The following NEK11 variants were observed in gnomAD, a reference collection of about 807,000 sequenced individuals.
NEK11 encodes serine/threonine-protein kinase Nek11.
NEK11 carries 72 observed loss-of-function variants against 80.7 expected under a neutral mutation model. That is an observed-to-expected ratio of 0.89 (90% CI 0.74 to 1.08). The LOEUF is 1.08. NEK11 is among the 50% of genes least tolerant of loss of function. The pLI, the probability that NEK11 is intolerant of heterozygous loss-of-function variation, is 0.00. For missense variants in NEK11, 764 were observed against 763.6 expected, an observed-to-expected ratio of 1.00 and a Z score of -0.01; for synonymous variants, 251 against 260.7, an observed-to-expected ratio of 0.96 and a Z score of 0.36.
chr3:131,175,527 A>G (rs1280450983), intron 14 of NEK11, among the ~76,000 whole-genome samples: 1 of 152,220 alleles, frequency 6.6e-6, no homozygotes, highest in African/African-American at 2.4e-5. Flanking sequence ...TTCCATTTCT[A>G]TGAGTTCTGG....
At chr3:131,137,450 C>T (rs556719381) in intron 7 of NEK11, among the ~76,000 whole-genome samples, 57 of 152,136 alleles carry the variant, frequency 3.7e-4, no homozygotes, top group African/African-American at 1.3e-3. Context: ...TTCATCAGCT[C>T]CCTCCTGGTG....
At chr3:131,109,399 A>G (rs2079704707) in intron 4 of NEK11, 2 of 153,526 alleles carry the variant, frequency 1.3e-5, no homozygotes, top group Admixed American at 6.5e-5. Context: ...TGCTCATCAA[A>G]GTTAGACTCC....
At chr3:131,265,715 A>G (rs1164261156) in intron 16 of NEK11, among the ~76,000 whole-genome samples, 1 of 152,066 alleles carries the variant, frequency 6.6e-6, no homozygotes, top group Non-Finnish European at 1.5e-5. Flanking sequence ...TGGTATCAGG[A>G]TGATGCTGGC....
intron 17 of NEK11, among the ~76,000 whole-genome samples, chr3:131,280,475 G>T (rs2096378984): frequency 6.6e-6 from 1 of 151,532 alleles, no homozygotes; most frequent in Non-Finnish European, 1.5e-5. Flanking sequence ...CTAATCTACT[G>T]TTAATCTCAT....
At chr3:131,247,666 T>C (rs1232245982) in intron 16 of NEK11, among the ~76,000 whole-genome samples, 3 of 152,052 alleles carry the variant, frequency 2.0e-5, no homozygotes, top group African/African-American at 7.2e-5. Flanking sequence ...TGAAGAATGA[T>C]GGTGGTATTT....
intron 3 of NEK11, among the ~76,000 whole-genome samples, chr3:131,067,091 C>T (rs1577726990): frequency 6.6e-6 from 1 of 152,228 alleles, no homozygotes; most frequent in East Asian, 1.9e-4. Flanking sequence ...GAGGTTTTCT[C>T]ATGATTATCT....
chr3:131,235,279 A>G (rs1036623303), intron 15 of NEK11, among the ~76,000 whole-genome samples: 1 of 152,074 alleles, frequency 6.6e-6, no homozygotes, highest in Admixed American at 6.6e-5. Flanking sequence ...CTCTCCAACA[A>G]TCTTCTCCCT....
chr3:131,057,322 A>G (rs2069750190), intron 3 of NEK11, among the ~76,000 whole-genome samples: 1 of 152,010 alleles, frequency 6.6e-6, no homozygotes, highest in Admixed American at 6.6e-5. Flanking sequence ...AGTCTTTGCT[A>G]TTGTGAATAA....
chr3:131,119,738 C>G (rs1446771169), intron 5 of NEK11, among the ~76,000 whole-genome samples: 2 of 152,122 alleles, frequency 1.3e-5, no homozygotes, highest in African/African-American at 4.8e-5. Context: ...CCTTCTTTGT[C>G]TCTTTTGATC....
chr3:131,201,600 C>G (rs2094230270), intron 14 of NEK11, among the ~76,000 whole-genome samples: 1 of 152,082 alleles, frequency 6.6e-6, no homozygotes, highest in Admixed American at 6.5e-5. Flanking sequence ...ACAAACTTTG[C>G]AAAGTTATGT....
intron 16 of NEK11, among the ~76,000 whole-genome samples, 195 bp downstream of exon 16, chr3:131,243,691 A>C (rs994529261): frequency 1.3e-5 from 2 of 152,178 alleles, no homozygotes; most frequent in African/African-American, 4.8e-5. Context: ...TATTGTAAGT[A>C]ACTCTTAGTC....
At chr3:131,202,036 T>A (rs1214420412) in intron 14 of NEK11, among the ~76,000 whole-genome samples, 1 of 152,044 alleles carries the variant, frequency 6.6e-6, no homozygotes, top group African/African-American at 2.4e-5. Flanking sequence ...GGTTTCACCA[T>A]GTTAGCCAGG....
At chr3:131,313,033 G>A (rs1198015282) in intron 17 of NEK11, among the ~76,000 whole-genome samples, 2 of 151,986 alleles carry the variant, frequency 1.3e-5, no homozygotes, top group Non-Finnish European at 2.9e-5. Flanking sequence ...GGGTCCATGT[G>A]TTCTCATCAT....
intron 14 of NEK11, among the ~76,000 whole-genome samples, chr3:131,190,260 G>A (rs1034980384): frequency 6.6e-6 from 1 of 152,196 alleles, no homozygotes; most frequent in East Asian, 1.9e-4. Flanking sequence ...GGATTCAGGA[G>A]TGAACAAAGC....
chr3:131,348,598 C>A (rs2097402408), intron 17 of NEK11, among the ~76,000 whole-genome samples: 1 of 151,166 alleles, frequency 6.6e-6, no homozygotes, highest in Non-Finnish European at 1.5e-5. Flanking sequence ...ATGTTATGGA[C>A]CAAATGTTGC....
At chr3:131,111,266 A>G (rs1473356929) in intron 5 of NEK11, among the ~76,000 whole-genome samples, 1 of 152,154 alleles carries the variant, frequency 6.6e-6, no homozygotes, top group African/African-American at 2.4e-5. Flanking sequence ...ATAATTTTTA[A>G]TCCTTTAATA....
intron 3 of NEK11, among the ~76,000 whole-genome samples, chr3:131,063,871 G>C (rs1433443411): frequency 6.6e-6 from 1 of 151,966 alleles, no homozygotes; most frequent in Non-Finnish European, 1.5e-5. Flanking sequence ...TCAAAACCTT[G>C]TACACAAATG....
chr3:131,034,707 T>C (rs1185230337), intron 3 of NEK11, among the ~76,000 whole-genome samples: 1 of 152,182 alleles, frequency 6.6e-6, no homozygotes, highest in East Asian at 1.9e-4. Flanking sequence ...TATTAGACCT[T>C]TGCTTTGGAC....
intron 17 of NEK11, chr3:131,328,318 A>T (rs2097010887): frequency 1.3e-5 from 2 of 151,974 alleles, no homozygotes; most frequent in Admixed American, 1.3e-4. Flanking sequence ...ATAAATAAAT[A>T]ATTGCTGAAT....
Sources: gnomAD v4.1 joint callset for allele counts (sites outside exome capture counted in the v4.1 genomes callset) on GRCh38, gnomAD v4.1.1 for gene constraint, MANE v1.5 for transcripts, NCBI Gene and HGNC (gene_info 2026-07-23, HGNC 2026-07-21) for gene names.